The following CELF2 variants were observed in gnomAD, a reference collection of about 807,000 sequenced individuals.
The protein encoded by CELF2 is CUGBP Elav-like family member 2, also known as CUG triplet repeat RNA-binding protein 2.
CELF2 carries 8 observed loss-of-function variants against 62.6 expected under a neutral mutation model. That is an observed-to-expected ratio of 0.13 (90% CI 0.07 to 0.23). CELF2 has a LOEUF of 0.23. Ranked by LOEUF, CELF2 falls within the 10% of genes least tolerant of loss-of-function variation. The pLI is 1.00. For synonymous variants in CELF2, 258 were observed against 250.0 expected, an observed-to-expected ratio of 1.03 and a Z score of -0.30; for missense variants, 333 against 671.0, an observed-to-expected ratio of 0.50 and a Z score of 5.56.
At chr10:10,976,878 G>A (rs1314781849) in intron 2 of CELF2, among the ~76,000 whole-genome samples, 1 of 152,060 alleles carries the variant, frequency 6.6e-6, no homozygotes, top group Non-Finnish European at 1.5e-5. Flanking sequence ...GTCATGTGTC[G>A]TGTCTCATCA....
chr10:11,243,709 A>G lies in CELF2; in HGVS notation c.355-5444A>G, dbSNP rs188529835. On this transcript the variant is annotated intron_variant, in intron 3 of 12. Coordinates refer to ENST00000633077, the MANE Select transcript of CELF2 (RefSeq NM_001326342.2). This position sits in a 1 kb window ranked among gnomAD's most constrained non-coding sequence, Gnocchi z 4.1. ...GTTTGTAAAATTCTTAGACTCGTCG[A>G]ACAGCATAGACAGATCATGACAGCA... is the stretch of plus-strand genomic sequence containing the variant. Among the ~76,000 whole-genome samples, 1 of 152,384 alleles carries G rather than the reference A, an allele frequency of 6.6e-6. No homozygotes were observed. Among genetic ancestry groups the G allele is most frequent in the Non-Finnish European group, 1.5e-5 (1 of 68,034 alleles).
chr10:11,142,158 C>T (rs1034576217), intron 1 of CELF2, among the ~76,000 whole-genome samples: 33 of 152,110 alleles, frequency 2.2e-4, no homozygotes, highest in African/African-American at 7.5e-4. Flanking sequence ...CAATGTGGTA[C>T]GTTTAGAGAA....
chr10:11,002,970 A>T (rs540189186), upstream of CELF2, among the ~76,000 whole-genome samples: 1 of 152,210 alleles, frequency 6.6e-6, no homozygotes, highest in Non-Finnish European at 1.5e-5. This position sits in a 1 kb window ranked among gnomAD's most constrained non-coding sequence, Gnocchi z 4.4. Flanking sequence ...TAGTGGGTGC[A>T]TTAAGAAGTG....
the CELF2 span, among the ~76,000 whole-genome samples, chr10:10,510,860 C>A: frequency 6.6e-6 from 1 of 152,220 alleles, no homozygotes; most frequent in South Asian, 2.1e-4. Flanking sequence ...GGGGTAAGAG[C>A]CTTCTAGATA....
chr10:10,745,125 A>AC, the CELF2 span, among the ~76,000 whole-genome samples: 1 of 121,338 alleles, frequency 8.2e-6, no homozygotes, highest in East Asian at 2.5e-4. Context: ...AAAAAAAAAA[A>AC]AACAAAACAA....
chr10:10,989,838 T>A (rs1050090899), intron 2 of CELF2, among the ~76,000 whole-genome samples: 2 of 152,020 alleles, frequency 1.3e-5, no homozygotes, highest in African/African-American at 4.8e-5. Flanking sequence ...AAACTGACCA[T>A]AAAAGTAGAC....
intron 3 of CELF2, among the ~76,000 whole-genome samples, chr10:11,228,999 A>G (rs1292277929): frequency 1.3e-5 from 2 of 152,298 alleles, no homozygotes; most frequent in Admixed American, 6.5e-5. Flanking sequence ...AGTAGGCCGG[A>G]TGGAATTATA....
intron 3 of CELF2, among the ~76,000 whole-genome samples, chr10:11,222,831 A>G (rs1284675345): frequency 6.6e-6 from 1 of 152,288 alleles, no homozygotes; most frequent in Non-Finnish European, 1.5e-5. Context: ...GTTCCAAAAT[A>G]TAAAATGAAT....
chr10:11,189,600 C>G (rs895551358), intron 2 of CELF2, among the ~76,000 whole-genome samples: 3 of 152,236 alleles, frequency 2.0e-5, no homozygotes, highest in African/African-American at 7.2e-5. Flanking sequence ...CCCTCGCACT[C>G]TCAGCTCAGG....
At chr10:10,985,989 A>C (rs187148092) in intron 2 of CELF2, among the ~76,000 whole-genome samples, 19 of 152,336 alleles carry the variant, frequency 1.2e-4, no homozygotes, top group Non-Finnish European at 2.4e-4. Context: ...AATGCCGGTT[A>C]AAATAGTTAC....
In CELF2 at chr10:11,244,450, G is replaced by A. The variant is rs536257350; in HGVS notation, c.355-4703G>A. 2.6e-5 allele frequency among the ~76,000 whole-genome samples: 4 copies of A among 152,230 alleles called. No individual in the cohort carries two copies. Among genetic ancestry groups the A allele is most frequent in the South Asian group, 2.1e-4 (1 of 4,824 alleles). ...GGGTGGATCCCAAGGTCAGGAGATC[G>A]AGACCATCGTGGCTAACATGGTGAA... On this transcript the variant is annotated intron_variant, in intron 3 of 12. Coordinates refer to ENST00000633077, the MANE Select transcript of CELF2 (RefSeq NM_001326342.2). The surrounding 1 kb of genome is among the most constrained non-coding windows in gnomAD (Gnocchi z 4.2).
At chr10:10,578,765 C>T in the CELF2 span, among the ~76,000 whole-genome samples, 1 of 152,138 alleles carries the variant, frequency 6.6e-6, no homozygotes, top group South Asian at 2.1e-4. Flanking sequence ...TGGGTAGATT[C>T]AGTCCTTCCA....
At chr10:10,805,187 A>G (rs1347265740) in intron 1 of CELF2, among the ~76,000 whole-genome samples, 2 of 152,208 alleles carry the variant, frequency 1.3e-5, no homozygotes, top group Non-Finnish European at 2.9e-5. Flanking sequence ...TGATACTTGT[A>G]AAGTTCCGGT....
At chr10:10,492,189 C>T in the CELF2 span, among the ~76,000 whole-genome samples, 3 of 152,202 alleles carry the variant, frequency 2.0e-5, no homozygotes, top group Non-Finnish European at 4.4e-5. Flanking sequence ...CCTCTGTCCT[C>T]TTCCACAACA....
At chr10:11,030,078 C>T (rs2059858252) in intron 1 of CELF2, among the ~76,000 whole-genome samples, 1 of 152,200 alleles carries the variant, frequency 6.6e-6, no homozygotes, top group African/African-American at 2.4e-5. Context: ...TTTCCAGTGT[C>T]AACCAAACTA....
At chr10:10,511,506 G>A in the CELF2 span, among the ~76,000 whole-genome samples, 1 of 152,060 alleles carries the variant, frequency 6.6e-6, no homozygotes, top group Non-Finnish European at 1.5e-5. Flanking sequence ...ATTGACTGCT[G>A]TTTGGTGAAT....
the CELF2 span, among the ~76,000 whole-genome samples, chr10:10,715,572 G>A: frequency 4.6e-5 from 7 of 151,982 alleles, no homozygotes; most frequent in Non-Finnish European, 1.0e-4. Flanking sequence ...AATATTGTGG[G>A]TTCAAATAAC....
At chr10:10,852,706 G>A (rs373990699) in intron 1 of CELF2, among the ~76,000 whole-genome samples, 1 of 152,152 alleles carries the variant, frequency 6.6e-6, no homozygotes, top group African/African-American at 2.4e-5. Context: ...GTTACCCTCG[G>A]GGGAAATGGG....
chr10:11,167,619 A>C lies in CELF2; in HGVS notation c.271+1937A>C, dbSNP rs146875091. 1.3e-4 allele frequency among the ~76,000 whole-genome samples: 20 copies of C among 152,258 alleles called. 1 individual carries two copies. In the East Asian group the frequency reaches 3.9e-3, roughly 29 times the overall value. ...TCTCTCTTGCCCAGATGTTCCTATG[A>C]GCAGCATTTTTTACCAGCCTATATT... On this transcript the variant is annotated intron_variant, in intron 2 of 12. Transcript: ENST00000633077.
Sources: gnomAD v4.1 joint callset for allele counts (sites outside exome capture counted in the v4.1 genomes callset) on GRCh38, gnomAD v4.1.1 for gene constraint, Gnocchi (gnomAD v3.1) non-coding constraint, MANE v1.5 for transcripts, NCBI Gene and HGNC (gene_info 2026-07-23, HGNC 2026-07-21) for gene names.